ASB4: variants seen among roughly 807,000 people sequenced by gnomAD.
ASB4 encodes the protein ankyrin repeat and SOCS box containing 4.
Under a neutral mutation model 38.6 loss-of-function variants are expected in ASB4, and 35 were observed. The observed-to-expected ratio is 0.91, with a 90% CI of 0.69 to 1.20. ASB4 has a LOEUF of 1.20. Ranked by LOEUF, ASB4 falls within the 50% of genes most tolerant of loss-of-function variation. ASB4 has a pLI of 0.00. For missense variants in ASB4, 557 were observed against 527.2 expected (o/e 1.06, Z -0.55); for synonymous variants, 195 against 201.3 (o/e 0.97, Z 0.26).
In ASB4 at chr7:95,540,102, A is replaced by T. The variant is rs191432586; in HGVS notation, c.*2343A>T. 12 of 152,248 alleles carry T rather than the reference A, an allele frequency of 7.9e-5. No individual in the cohort carries two copies. The East Asian group carries it at 2.3e-3, about 29-fold the overall frequency. 9.4% of individuals were successfully genotyped at this position (152,248 alleles called of 1,614,324 possible). ...TTATTCACCTTGCTTGTGCTTAAAC[A>T]CTTATGTTCATCTAGTGTAGAATAC... On this transcript the variant is annotated 3_prime_UTR_variant, in exon 5 of 5. Transcript: ENST00000325885.
At chr7:95,480,475 C>T (rs43063) in intron 1 of ASB4, among the ~76,000 whole-genome samples, 100,135 of 152,040 alleles carry the variant, frequency 0.66, 33,369 homozygotes, top group East Asian at 0.94. Context: ...ATGATAGAAA[C>T]AGTGGTATAT....
At chr7:95,537,516 T>G in intron 4 of ASB4, 55 bp from the exon 5 acceptor site, 1 of 1,443,862 alleles carries the variant, frequency 6.9e-7, no homozygotes, top group Non-Finnish European at 9.4e-7. Context: ...CTGATTTTTA[T>G]TGATGTAAAC....
intron 2 of ASB4, among the ~76,000 whole-genome samples, chr7:95,502,068 C>A (rs552392415): frequency 6.7e-6 from 1 of 149,674 alleles, no homozygotes; most frequent in Admixed American, 6.7e-5. Context: ...GCTTACTATA[C>A]GCAGAAGTTT....
Position 95,508,599 on chromosome 7 carries a change from G to A in ASB4, c.487+12542G>A, listed in dbSNP as rs903177377. On this transcript the variant is annotated intron_variant, in intron 2 of 4. Transcript: ENST00000325885. ...TGATGCTACTAGTCTTGCACAGGTG[G>A]CACAGGTGGTTTTTGTCACACAGCA... Among the ~76,000 whole-genome samples the A allele has an allele frequency of 5.3e-5, 8 of 152,250 alleles. 1 individual carries two copies. Among genetic ancestry groups the A allele is most frequent in the East Asian group, 1.9e-4 (1 of 5,178 alleles).
chr7:95,517,239 G>A (rs766378652), intron 2 of ASB4, among the ~76,000 whole-genome samples: 2 of 152,096 alleles, frequency 1.3e-5, no homozygotes, highest in Non-Finnish European at 2.9e-5. Context: ...AGCCATCATA[G>A]CTCACTGTAA....
At chr7:95,532,498 G>GA (rs1481384748) in intron 3 of ASB4, among the ~76,000 whole-genome samples, 1 of 152,162 alleles carries the variant, frequency 6.6e-6, no homozygotes, top group Non-Finnish European at 1.5e-5. Context: ...TCTAGAGGAG[G>GA]AAAAGGTAAC....
At chr7:95,536,701 T>C in intron 4 of ASB4, 151 bp downstream of exon 4, 1 of 533,372 alleles carries the variant, frequency 1.9e-6, no homozygotes, top group Non-Finnish European at 3.3e-6. Flanking sequence ...AAAATGCAGG[T>C]TTGAGAGTTA....
upstream of ASB4, among the ~76,000 whole-genome samples, chr7:95,482,135 C>T (rs532688184): frequency 1.3e-5 from 2 of 152,286 alleles, no homozygotes; most frequent in South Asian, 4.1e-4. Flanking sequence ...TAAGTTTTAT[C>T]CTTTGCTGCT....
At chr7:95,511,670 A>T (rs997703657) in intron 2 of ASB4, among the ~76,000 whole-genome samples, 1 of 152,174 alleles carries the variant, frequency 6.6e-6, no homozygotes, top group East Asian at 1.9e-4. Context: ...CTCAAAAAAA[A>T]AAAATAAATA....
intron 2 of ASB4, among the ~76,000 whole-genome samples, chr7:95,517,959 A>G (rs1790607685): frequency 6.6e-6 from 1 of 152,168 alleles, no homozygotes. Context: ...TAAATAATAG[A>G]GATAAATTAC....
chr7:95,473,479 G>A (rs994584061), upstream of ASB4, among the ~76,000 whole-genome samples: 2 of 152,140 alleles, frequency 1.3e-5, no homozygotes, highest in African/African-American at 2.4e-5. Context: ...AGTTCCCAGC[G>A]GAGCCTGGCT....
At chr7:95,520,674 G>A in intron 2 of ASB4, among the ~76,000 whole-genome samples, 1 of 146,486 alleles carries the variant, frequency 6.8e-6, no homozygotes, top group Non-Finnish European at 1.5e-5. Flanking sequence ...CACTAGAGAT[G>A]AAATCTGTGC....
upstream of ASB4, among the ~76,000 whole-genome samples, chr7:95,484,930 ATC>A (rs1472102622): frequency 6.6e-6 from 1 of 151,256 alleles, no homozygotes; most frequent in Non-Finnish European, 1.5e-5. Context: ...CACACTTGCT[ATC>A]TCTCTGTTTC....
At chr7:95,490,006 C>A (rs1032792919) in intron 1 of ASB4, among the ~76,000 whole-genome samples, 2 of 152,190 alleles carry the variant, frequency 1.3e-5, no homozygotes, top group Admixed American at 1.3e-4. Flanking sequence ...TCATACTTAT[C>A]TCTTTGGTAT....
chr7:95,515,189 C>A (rs1454614191), intron 2 of ASB4, among the ~76,000 whole-genome samples: 1 of 123,530 alleles, frequency 8.1e-6, no homozygotes, highest in Non-Finnish European at 1.6e-5. Flanking sequence ...TTCTTTCTTT[C>A]TTTCTTTCTT....
chr7:95,530,293 T>C (rs190277901), intron 3 of ASB4, among the ~76,000 whole-genome samples: 33 of 152,110 alleles, frequency 2.2e-4, no homozygotes, highest in African/African-American at 7.7e-4. Context: ...GGTGAAACCC[T>C]GTCTCTAATA....
chr7:95,495,910 G>T lies in ASB4; in HGVS notation c.340G>T (p.Ala114Ser), dbSNP rs765595046. 1 of 1,613,954 alleles carries T rather than the reference G, an allele frequency of 6.2e-7. No individual in the cohort carries two copies. The highest frequency in any genetic ancestry group is 1.3e-5 in the African/African-American group (1 of 74,886). The change falls in exon 2 of 5, where the codon GCT becomes TCT. Residue 114 changes from alanine (A) to serine (S), a missense_variant. Coordinates refer to ENST00000325885, the MANE Select transcript of ASB4 (RefSeq NM_016116.3). Reference protein sequence around the residue: ...RPNGKTPLHVACEMANVDCVK... With the variant: ...RPNGKTPLHVSCEMANVDCVK... ...CAATGGGAAAACCCCTCTTCACGTGGCTTGTGAAATGGCCAATGTGGATTG... is the reference window on the plus strand; with the variant it reads ...CAATGGGAAAACCCCTCTTCACGTGTCTTGTGAAATGGCCAATGTGGATTG...
chr7:95,495,626 C>T, intron 1 of ASB4, 132 bp from the exon 2 acceptor site: 1 of 844,268 alleles, frequency 1.2e-6, no homozygotes, highest in Non-Finnish European at 1.8e-6. Context: ...TTTAAAACCT[C>T]TGTCATCCCC....
chr7:95,537,803 C>T lies in ASB4; in HGVS notation c.*44C>T. On this transcript the variant is annotated 3_prime_UTR_variant, in exon 5 of 5. Transcript: ENST00000325885. ...TCCCAATCCTAGGTATTTAAGTGGA[C>T]TTGCTGGGTAGACACAGTTTGCCTA... The T allele has an allele frequency of 6.5e-7, 1 of 1,546,876 alleles. No individual in the cohort carries two copies. The highest frequency in any genetic ancestry group is 8.8e-7 in the Non-Finnish European group (1 of 1,130,854).
Sources: allele counts gnomAD v4.1 joint callset (sites outside exome capture counted in the v4.1 genomes callset), GRCh38; gene constraint gnomAD v4.1.1; transcripts MANE v1.5; gene names NCBI Gene and HGNC (gene_info 2026-07-23, HGNC 2026-07-21).